The following CD22 variants were observed in gnomAD, a reference collection of about 807,000 sequenced individuals.
CD22 encodes the protein CD22 molecule, also known as B-cell receptor CD22.
CD22 carries 51 observed loss-of-function variants against 94.7 expected under a neutral mutation model. The ratio of observed to expected loss-of-function variants is 0.54; its 90% CI spans 0.43 to 0.68. The LOEUF (loss-of-function observed/expected upper bound fraction) is 0.68. CD22 is among the 30% of genes least tolerant of loss of function. The probability of loss-of-function intolerance (pLI) is 0.00; values close to 1 mark genes in which losing one functional copy is unlikely to be tolerated. For missense variants in CD22, 931 were observed against 1,060.4 expected (o/e 0.88, Z 1.69); for synonymous variants, 424 against 422.5 (o/e 1.00, Z -0.04).
chr19:35,338,155 C>A lies in CD22; in HGVS notation c.986-13C>A. The A allele has an allele frequency of 6.2e-7, 1 of 1,602,084 alleles. No homozygotes were observed. Among genetic ancestry groups the A allele is most frequent in the South Asian group, 1.1e-5 (1 of 88,820 alleles). ...CTCCTCACCCCTCCACTCGCCTCTG[C>A]CCCCTCTTCCAGATGCCCCGGAACC... On this transcript the variant is annotated splice_polypyrimidine_tract_variant and intron_variant, in intron 5 of 13. Coordinates refer to ENST00000085219, the MANE Select transcript of CD22 (RefSeq NM_001771.4).
rs2066904835 is a variant in CD22 at position 35,346,195 on chromosome 19, A to G, written c.2372A>G (p.Asp791Gly). 6.2e-7 allele frequency: 1 copy of G among 1,613,962 alleles called. No homozygotes were observed. The highest frequency in any genetic ancestry group is 1.3e-5 in the African/African-American group (1 of 74,918). ...SEMQRPPPDC[D>G]DTVTYSALHK... ...ATGCAGAGACCTCCCCCGGACTGCG[A>G]TGACACGGTCACTTATTCAGCATTG... The change falls in exon 13 of 14, where the codon GAT (aspartate) becomes GGT (glycine). Residue 791 changes from aspartate to glycine, a missense_variant. Coordinates refer to ENST00000085219, the MANE Select transcript of CD22 (RefSeq NM_001771.4).
At position 35,338,257 on chromosome 19, in the gene CD22, C is replaced by A. The variant is rs1355940520; in HGVS notation, c.1075C>A (p.Pro359Thr). The A allele has an allele frequency of 6.2e-7, 1 of 1,614,256 alleles. No individual in the cohort carries two copies. The highest frequency in any genetic ancestry group is 1.7e-5 in the Admixed American group (1 of 60,036). The change falls in exon 6 of 14, where the codon CCT becomes ACT. Residue 359 changes from proline to threonine, a missense_variant. Physicochemically the swap from Pro to Thr is conservative, Grantham distance 38. Coordinates refer to ENST00000085219, the MANE Select transcript of CD22 (RefSeq NM_001771.4). Reference protein sequence around the residue: ...VEFLCMSLANPLPTNYTWYHN... With the variant: ...VEFLCMSLANTLPTNYTWYHN... ...GTTTCTTTGCATGTCACTGGCCAATCCTCTTCCAACAAATTACACGTGGTA... is the reference window on the plus strand; with the variant it reads ...GTTTCTTTGCATGTCACTGGCCAATACTCTTCCAACAAATTACACGTGGTA...
Position 35,346,583 on chromosome 19 carries a change from C to A in CD22, c.2430C>A (p.Val810=). The A allele has an allele frequency of 6.2e-7, 1 of 1,603,826 alleles. No homozygotes were observed. Among genetic ancestry groups the A allele is most frequent in the Non-Finnish European group, 8.5e-7 (1 of 1,174,422 alleles). ...HKRQVGDYEN[V]IPDFPEDEGI... is the part of the protein sequence containing the mutation. ...TTTCTCAGGGCGACTATGAGAACGT[C>A]ATTCCAGATTTTCCAGAAGATGAGG... The change falls in exon 14 of 14, where the codon GTC becomes GTA. Residue 810 remains valine (V), a synonymous_variant. Coordinates refer to ENST00000085219, the MANE Select transcript of CD22 (RefSeq NM_001771.4).
At chr19:35,335,590 C>T (rs1348489595) in intron 3 of CD22, among the ~76,000 whole-genome samples, 2 of 151,502 alleles carry the variant, frequency 1.3e-5, no homozygotes, top group Admixed American at 1.3e-4. Flanking sequence ...TGGTGGCTTA[C>T]ACCTGTAATC....
At chr19:35,344,017 G>A (rs913231854) in intron 9 of CD22, among the ~76,000 whole-genome samples, 3 of 152,208 alleles carry the variant, frequency 2.0e-5, no homozygotes, top group Non-Finnish European at 4.4e-5. Flanking sequence ...GGCCAATGGT[G>A]AAACCCCATC....
rs554937138 is a variant in CD22 at position 35,343,481 on chromosome 19, GAC to G, written c.2036-1344_2036-1343del. On this transcript the variant is annotated intron_variant, in intron 9 of 13. Coordinates refer to ENST00000085219, the MANE Select transcript of CD22 (RefSeq NM_001771.4). Reference sequence around the variant, plus strand: ...TCTGTGCCTATATACCCTTCCTCATGACACAGACGAGGCAGAGCCCACACTTT... The same window carrying G: ...TCTGTGCCTATATACCCTTCCTCATGACAGACGAGGCAGAGCCCACACTTT... 2.6e-5 allele frequency among the ~76,000 whole-genome samples: 4 copies of G among 152,236 alleles called. No homozygotes were observed. The South Asian group carries it at 8.3e-4, about 32-fold the overall frequency.
rs887485699 is a variant in CD22, at chr19:35,337,462, G to A, written c.719-293G>A. 5.3e-5 allele frequency among the ~76,000 whole-genome samples: 8 copies of A among 152,136 alleles called. No homozygotes were observed. Among genetic ancestry groups the A allele is most frequent in the Non-Finnish European group, 1.0e-4 (7 of 68,030 alleles). ...GAGATGGAGCAGGACTCTGGATCCCGAGGGCTGAGGTGAGGGTTTGGGATT... is the reference window on the plus strand; with the variant it reads ...GAGATGGAGCAGGACTCTGGATCCCAAGGGCTGAGGTGAGGGTTTGGGATT... On this transcript the variant is annotated intron_variant, in intron 4 of 13. Transcript: ENST00000085219. This position sits in a 1 kb window ranked among gnomAD's most constrained non-coding sequence, Gnocchi z 4.4.
Position 35,329,196 on chromosome 19 carries a change from C to A in CD22, c.-57C>A. On this transcript the variant is annotated 5_prime_UTR_variant, in exon 1 of 14. Coordinates refer to ENST00000085219, the MANE Select transcript of CD22 (RefSeq NM_001771.4). The stretch of plus-strand genomic sequence containing the variant: ...TTCTCCTTTTGCTCTCAGATGCTGC[C>A]AGGGTCCCTGAAGAGGGAAGACACG... 1 of 1,289,618 alleles carries A rather than the reference C, an allele frequency of 7.8e-7. No homozygotes were observed. The highest frequency in any genetic ancestry group is 1.2e-5 in the South Asian group (1 of 81,026). The allele number at this position is 1,289,618 out of a possible 1,614,324, so 79.9% of individuals were successfully genotyped here. A position where few individuals can be genotyped will look rare whatever the true frequency, so the allele number is the denominator to read the frequency against.
chr19:35,333,813 G>A (rs1599674073), intron 3 of CD22, among the ~76,000 whole-genome samples: 1 of 152,180 alleles, frequency 6.6e-6, no homozygotes, highest in Admixed American at 6.5e-5. Context: ...ACCTCTCAAA[G>A]CATTAGGATT....
At chr19:35,338,484 C>T (rs559993568) in intron 6 of CD22, 53 bp downstream of exon 6, 182 of 1,566,084 alleles carry the variant, frequency 1.2e-4, no homozygotes, top group Admixed American at 2.5e-4. Flanking sequence ...ACACAGGGAA[C>T]GGGGAAGGCA....
In CD22 at chr19:35,332,774, G is replaced by T; in HGVS notation, c.262G>T (p.Glu88Ter). The change falls in exon 3 of 14, where the codon GAG (glutamate) becomes TAG (stop). Residue 88 changes from glutamate to a stop codon, truncating the protein, a stop_gained. Coordinates refer to ENST00000085219, the MANE Select transcript of CD22 (RefSeq NM_001771.4). LOFTEE classifies it high-confidence loss of function. ...CACAAAGGATGGGAAGGTTCCTTCT[G>T]AGCAGAAAAGGGTGCAATTCCTGGG... ...ESTKDGKVPS[E>*]QKRVQFLGDK... is the part of the protein sequence containing the mutation. 1.2e-6 allele frequency: 2 copies of T among 1,614,170 alleles called. No homozygotes were observed. The highest frequency in any genetic ancestry group is 1.7e-6 in the Non-Finnish European group (2 of 1,180,018).
At chr19:35,345,747 C>T (rs201459697) in intron 12 of CD22, 27 bp downstream of exon 12, 10 of 1,474,732 alleles carry the variant, frequency 6.8e-6, no homozygotes, top group South Asian at 1.1e-5. Flanking sequence ...GAGGGTGACC[C>T]TGCACCCTGG....
rs1200832686 is a variant in CD22 at position 35,338,205 on chromosome 19, A to G, written c.1023A>G (p.Ser341=). The change falls in exon 6 of 14, where the codon TCA becomes TCG. Residue 341 remains serine, a synonymous_variant. Transcript: ENST00000085219. ...PEPSTVQILH[S]PAVEGSQVEF... ...CTTCCACGGTTCAGATCCTCCACTCACCGGCTGTGGAGGGAAGTCAAGTCG... is the reference window on the plus strand; with the variant it reads ...CTTCCACGGTTCAGATCCTCCACTCGCCGGCTGTGGAGGGAAGTCAAGTCG... The G allele has an allele frequency of 6.2e-7, 1 of 1,613,934 alleles. No individual in the cohort carries two copies. Among genetic ancestry groups the G allele is most frequent in the Non-Finnish European group, 8.5e-7 (1 of 1,179,906 alleles).
At chr19:35,336,012 T>C (rs1278468590) in intron 3 of CD22, 24 bp from the exon 4 acceptor site, 3 of 1,602,168 alleles carry the variant, frequency 1.9e-6, no homozygotes, top group Non-Finnish European at 2.6e-6. Context: ...CCCAGGCTCC[T>C]GCACGGGCTC....
At chr19:35,345,566 C>G (rs371000503) in intron 11 of CD22, 36 bp from the exon 12 acceptor site, 2 of 1,334,228 alleles carry the variant, frequency 1.5e-6, no homozygotes, top group Non-Finnish European at 2.2e-6. Flanking sequence ...GGTTGGGGAA[C>G]AGGTGGTTAG....
intron 3 of CD22, among the ~76,000 whole-genome samples, chr19:35,335,577 G>A (rs2066710627): frequency 6.8e-6 from 1 of 146,494 alleles, no homozygotes. Flanking sequence ...AAGAGGCCGG[G>A]TGTGGTGGCT....
At chr19:35,329,665 C>T in intron 1 of CD22, 1 of 183,750 alleles carries the variant, frequency 5.4e-6, no homozygotes, top group East Asian at 1.2e-4. Flanking sequence ...TGAGGCAGCA[C>T]ACAGTCCTGC....
Position 35,332,060 on chromosome 19 carries a change from G to GGCTCCT in CD22, c.28_33dup (p.Leu10_Leu11dup). Reference sequence around the variant, plus strand: ...GACACCATGCATCTCCTCGGCCCCTGGCTCCTGCTCCTGGGTAAGGACTGT... The same window carrying GGCTCCT: ...GACACCATGCATCTCCTCGGCCCCTGGCTCCTGCTCCTGCTCCTGGGTAAGGACTGT... On this transcript the variant is annotated inframe_insertion, in exon 2 of 14. Coordinates refer to ENST00000085219, the MANE Select transcript of CD22 (RefSeq NM_001771.4). 1 of 1,613,998 alleles carries GGCTCCT rather than the reference G, an allele frequency of 6.2e-7. No individual in the cohort carries two copies. The highest frequency in any genetic ancestry group is 8.5e-7 in the Non-Finnish European group (1 of 1,179,914).
intron 6 of CD22, among the ~76,000 whole-genome samples, chr19:35,339,251 A>G: frequency 6.7e-6 from 1 of 150,116 alleles, no homozygotes; most frequent in Admixed American, 6.6e-5. Flanking sequence ...AAAGAAAAAG[A>G]AAATGCTGGG....
Sources: gnomAD v4.1 joint callset for allele counts (sites outside exome capture counted in the v4.1 genomes callset) on GRCh38, gnomAD v4.1.1 for gene constraint, Gnocchi (gnomAD v3.1) non-coding constraint, MANE v1.5 for transcripts, NCBI Gene and HGNC (gene_info 2026-07-23, HGNC 2026-07-21) for gene names.